Variants in RIGI observed in about 807,000 individuals in gnomAD.
The protein encoded by RIGI is RNA sensor RIG-I.
At chr9:32,467,993 AACAG>A in the RIGI span, 17 of 1,437,116 alleles carry the variant, frequency 1.2e-5, no homozygotes, top group Non-Finnish European at 1.6e-5. Context: ...CCCTTGAAAA[AACAG>A]CTACTAATTA....
At chr9:32,486,107 G>A in the RIGI span, among the ~76,000 whole-genome samples, 186 of 152,226 alleles carry the variant, frequency 1.2e-3, no homozygotes, top group African/African-American at 3.8e-3. Context: ...TGATCTTAAG[G>A]GAGAGAAATA....
chr9:32,461,405 C>T, the RIGI span, among the ~76,000 whole-genome samples: 12 of 152,262 alleles, frequency 7.9e-5, no homozygotes, highest in Non-Finnish European at 1.8e-4. Context: ...AGATTCTGTC[C>T]GTCCCACTGG....
At chr9:32,482,187 TTGTGTGTG>T in the RIGI span, among the ~76,000 whole-genome samples, 15 of 144,958 alleles carry the variant, frequency 1.0e-4, no homozygotes, top group Admixed American at 4.8e-4. Flanking sequence ...GTGTGTTTGT[TTGTGTGTG>T]TGTGTGTGTG....
chr9:32,513,515 G>A, the RIGI span, among the ~76,000 whole-genome samples: 1 of 152,156 alleles, frequency 6.6e-6, no homozygotes, highest in Non-Finnish European at 1.5e-5. Context: ...TGGGAAAACT[G>A]ACTAGCCATA....
chr9:32,504,254 G>A, the RIGI span, among the ~76,000 whole-genome samples: 1 of 152,240 alleles, frequency 6.6e-6, no homozygotes, highest in South Asian at 2.1e-4. Context: ...CTGGATGTGG[G>A]CACGGGGGGA....
the RIGI span, among the ~76,000 whole-genome samples, chr9:32,504,747 TAA>T: frequency 7.2e-6 from 1 of 138,744 alleles, no homozygotes; most frequent in African/African-American, 2.7e-5. Flanking sequence ...ATTTAATACA[TAA>T]AATATATAAA....
chr9:32,481,436 A>G, the RIGI span: 1 of 1,612,528 alleles, frequency 6.2e-7, no homozygotes, highest in Non-Finnish European at 8.5e-7. Context: ...TCTGAACTGT[A>G]ACAATCCATT....
At chr9:32,504,265 A>T in the RIGI span, among the ~76,000 whole-genome samples, 1 of 152,288 alleles carries the variant, frequency 6.6e-6, no homozygotes, top group East Asian at 1.9e-4. Flanking sequence ...CACGGGGGGA[A>T]TGTGGATAAG....
the RIGI span, among the ~76,000 whole-genome samples, chr9:32,458,889 CT>C: frequency 0.012 from 1,455 of 124,990 alleles, 15 homozygotes; most frequent in African/African-American, 0.039. Context: ...TTTAGCATGA[CT>C]TTTTTTTTTT....
chr9:32,515,262 G>A, the RIGI span, among the ~76,000 whole-genome samples: 1 of 148,752 alleles, frequency 6.7e-6, no homozygotes, highest in Non-Finnish European at 1.5e-5. Flanking sequence ...ATGTTGCAGT[G>A]AGCCGAGATC....
the RIGI span, chr9:32,457,493 A>AAAAAG: frequency 0.17 from 195,090 of 1,149,570 alleles, 10,277 homozygotes; most frequent in African/African-American, 0.3. Context: ...TAAAAAAAAA[A>AAAAAG]AAAAGAAAAC....
the RIGI span, among the ~76,000 whole-genome samples, chr9:32,486,983 G>T: frequency 6.6e-6 from 1 of 152,144 alleles, no homozygotes; most frequent in African/African-American, 2.4e-5. Flanking sequence ...TCCTTTCAGG[G>T]TTAGTGTAAT....
the RIGI span, chr9:32,456,584 T>A: frequency 6.4e-6 from 1 of 155,224 alleles, no homozygotes; most frequent in Non-Finnish European, 1.4e-5. Flanking sequence ...AAAAAAAGAC[T>A]AGAATAGAAC....
the RIGI span, among the ~76,000 whole-genome samples, chr9:32,466,690 CAAAAAAAAA>C: frequency 1.7e-4 from 12 of 68,602 alleles, no homozygotes; most frequent in Non-Finnish European, 2.0e-4. Context: ...AGACCTATCT[CAAAAAAAAA>C]AAAAAAAAAA....
the RIGI span, among the ~76,000 whole-genome samples, chr9:32,470,658 G>A: frequency 6.6e-6 from 1 of 152,146 alleles, no homozygotes. Context: ...AAGTCATGAA[G>A]AGGTTAGGTA....
the RIGI span, among the ~76,000 whole-genome samples, chr9:32,478,385 T>C: frequency 2.6e-5 from 4 of 151,850 alleles, no homozygotes; most frequent in Admixed American, 2.0e-4. Flanking sequence ...ATCTACGCTT[T>C]TGAGGTTAGT....
chr9:32,486,004 T>C, the RIGI span, among the ~76,000 whole-genome samples: 3 of 152,198 alleles, frequency 2.0e-5, no homozygotes, highest in Non-Finnish European at 2.9e-5. Flanking sequence ...TTTATCAATA[T>C]ATTATTTCAG....
At chr9:32,505,401 G>T in the RIGI span, among the ~76,000 whole-genome samples, 1 of 152,024 alleles carries the variant, frequency 6.6e-6, no homozygotes, top group South Asian at 2.1e-4. Context: ...TTACTTTCCG[G>T]TATTTTTATT....
At chr9:32,513,298 A>ATC in the RIGI span, among the ~76,000 whole-genome samples, 1 of 152,254 alleles carries the variant, frequency 6.6e-6, no homozygotes, top group Admixed American at 6.5e-5. Context: ...AGCTGAAGGC[A>ATC]TCATGCTACC....
Sources: allele counts gnomAD v4.1 joint callset (sites outside exome capture counted in the v4.1 genomes callset), GRCh38; gene constraint gnomAD v4.1.1; transcripts MANE v1.5; gene names NCBI Gene and HGNC (gene_info 2026-07-23, HGNC 2026-07-21).